Variants in USP25 observed in about 807,000 individuals in gnomAD.
USP25 encodes ubiquitin specific peptidase 25.
Under a neutral mutation model 158.5 loss-of-function variants are expected in USP25, and 85 were observed. That is an observed-to-expected ratio of 0.54 (90% CI 0.45 to 0.64). The LOEUF (loss-of-function observed/expected upper bound fraction) is 0.64, where lower values mean the gene tolerates loss of function less well. USP25 is among the 30% of genes least tolerant of loss of function. USP25 has a pLI of 0.00. For missense variants in USP25, 1,242 were observed against 1,327.3 expected, an observed-to-expected ratio of 0.94 and a Z score of 1.00; for synonymous variants, 464 against 460.4, an observed-to-expected ratio of 1.01 and a Z score of -0.10.
intron 4 of USP25, among the ~76,000 whole-genome samples, chr21:15,781,001 A>G (rs2034930016): frequency 6.6e-6 from 1 of 152,238 alleles, no homozygotes; most frequent in Non-Finnish European, 1.5e-5. Context: ...GATGATCTGG[A>G]AAAGTAAGAA....
intron 1 of USP25, among the ~76,000 whole-genome samples, chr21:15,756,681 C>G (rs997487853): frequency 4.6e-5 from 7 of 152,080 alleles, no homozygotes; most frequent in Non-Finnish European, 8.8e-5. Flanking sequence ...GTATTTTGCA[C>G]ATAGTAGACA....
At chr21:15,741,635 AT>A (rs372315093) in intron 1 of USP25, among the ~76,000 whole-genome samples, 1 of 151,842 alleles carries the variant, frequency 6.6e-6, no homozygotes, top group Non-Finnish European at 1.5e-5. Context: ...TTTGAGGATG[AT>A]TTTTTTTAAC....
intron 1 of USP25, among the ~76,000 whole-genome samples, chr21:15,757,840 A>G (rs112130206): frequency 2.6e-5 from 4 of 152,202 alleles, no homozygotes; most frequent in African/African-American, 9.7e-5. Context: ...GTATGAATAC[A>G]GGGATGGGAG....
chr21:15,807,212 G>A (rs1018208841), intron 7 of USP25, among the ~76,000 whole-genome samples: 2 of 152,178 alleles, frequency 1.3e-5, no homozygotes, highest in African/African-American at 4.8e-5. Flanking sequence ...ATAGACATGA[G>A]CCACCACACT....
Position 15,878,340 on chromosome 21 carries a change from A to C in USP25, c.3243A>C (p.Lys1081Asn). ...LQEKLTDFLP[K>N]LLDCSMEIKS... ...AAAAGCTGACAGATTTTTTGCCAAA[A>C]CTGCTTGATTGTTCTATGGAGATTA... Residue 1081 changes from lysine to asparagine, a missense_variant, in exon 26 of 26, where the codon AAA becomes AAC. Coordinates refer to ENST00000400183, the MANE Select transcript of USP25 (RefSeq NM_001283041.3). 10 of 1,612,446 alleles carry C rather than the reference A, an allele frequency of 6.2e-6. No homozygotes were observed. Among genetic ancestry groups the C allele is most frequent in the Non-Finnish European group, 8.5e-6 (10 of 1,179,208 alleles).
intron 4 of USP25, among the ~76,000 whole-genome samples, chr21:15,778,499 C>G (rs888214557): frequency 8.5e-5 from 13 of 152,056 alleles, no homozygotes. Context: ...CCTAATAAAT[C>G]TTGATTTACA....
In USP25 at chr21:15,878,518, T is replaced by G; in HGVS notation, c.*43T>G. The G allele has an allele frequency of 6.4e-7, 1 of 1,553,154 alleles. No individual in the cohort carries two copies. On this transcript the variant is annotated 3_prime_UTR_variant, in exon 26 of 26. Transcript: ENST00000400183. ...AACACACTGTATAAACTCTTTTTAG[T>G]TCTTAACCCTTGCCTTCCTGTCACA...
At chr21:15,784,527 A>G (rs187582437) in intron 4 of USP25, among the ~76,000 whole-genome samples, 358 of 152,216 alleles carry the variant, frequency 2.4e-3, no homozygotes, top group African/African-American at 8.2e-3. Context: ...AGCCGAGATC[A>G]CGCCATTGGA....
At chr21:15,874,985 T>C (rs1338720833) in intron 24 of USP25, among the ~76,000 whole-genome samples, 1 of 152,088 alleles carries the variant, frequency 6.6e-6, no homozygotes, top group Admixed American at 6.5e-5. Flanking sequence ...GCCAACGTGG[T>C]GAAACCCCAT....
At chr21:15,739,476 C>T (rs2031836604) in intron 1 of USP25, among the ~76,000 whole-genome samples, 1 of 151,988 alleles carries the variant, frequency 6.6e-6, no homozygotes, top group Admixed American at 6.6e-5. Flanking sequence ...TGGAGGGGTG[C>T]TGGTAGTTTG....
chr21:15,867,098 T>C (rs918758376), intron 22 of USP25, among the ~76,000 whole-genome samples: 6 of 152,134 alleles, frequency 3.9e-5, no homozygotes, highest in African/African-American at 1.4e-4. Flanking sequence ...GCTTGTGGGA[T>C]TTTTTTGTGC....
intron 4 of USP25, among the ~76,000 whole-genome samples, chr21:15,784,951 T>C (rs889794646): frequency 3.3e-5 from 5 of 149,714 alleles, no homozygotes; most frequent in Non-Finnish European, 7.4e-5. Context: ...AATTAAAAAA[T>C]ATAGAGCAGC....
intron 19 of USP25, among the ~76,000 whole-genome samples, chr21:15,848,489 G>A (rs77936691): frequency 2.0e-5 from 3 of 152,046 alleles, no homozygotes; most frequent in Non-Finnish European, 4.4e-5. Flanking sequence ...TTTGAGGAAC[G>A]GCCAGTAAAG....
chr21:15,751,802 A>C (rs2033033008), intron 1 of USP25, among the ~76,000 whole-genome samples: 1 of 152,112 alleles, frequency 6.6e-6, no homozygotes, highest in African/African-American at 2.4e-5. Context: ...TAGAAATGTA[A>C]CTCTGTGTGA....
At chr21:15,854,872 T>C (rs2039061348) in intron 20 of USP25, among the ~76,000 whole-genome samples, 2 of 152,218 alleles carry the variant, frequency 1.3e-5, no homozygotes, top group Non-Finnish European at 2.9e-5. Context: ...CTACACTAAC[T>C]TGAGTCCTTC....
chr21:15,797,987 CATAAT>C (rs2035944867), intron 5 of USP25, among the ~76,000 whole-genome samples: 1 of 151,090 alleles, frequency 6.6e-6, no homozygotes, highest in Non-Finnish European at 1.5e-5. Flanking sequence ...GGAAAAAAAA[CATAAT>C]ATATATGGAG....
chr21:15,759,798 G>T (rs2033619625), intron 1 of USP25, among the ~76,000 whole-genome samples: 1 of 152,146 alleles, frequency 6.6e-6, no homozygotes, highest in Admixed American at 6.5e-5. Flanking sequence ...AGTCTTTCAG[G>T]TTAAATTTTA....
chr21:15,822,836 G>A (rs1003373218), intron 10 of USP25, among the ~76,000 whole-genome samples: 23 of 151,786 alleles, frequency 1.5e-4, no homozygotes, highest in East Asian at 9.6e-4. Context: ...TATTTAATCC[G>A]TTTCAGGTAT....
chr21:15,858,276 A>AT (rs577265468), intron 20 of USP25, among the ~76,000 whole-genome samples: 29 of 149,832 alleles, frequency 1.9e-4, no homozygotes, highest in South Asian at 4.2e-4. Context: ...GAAGCAGATA[A>AT]TTTTTTTTTT....
Sources: gnomAD v4.1 joint callset for allele counts (sites outside exome capture counted in the v4.1 genomes callset) on GRCh38, gnomAD v4.1.1 for gene constraint, MANE v1.5 for transcripts, NCBI Gene and HGNC (gene_info 2026-07-23, HGNC 2026-07-21) for gene names.